The following MAGEA11 variants were observed in gnomAD, a reference collection of about 807,000 sequenced individuals.
The protein encoded by MAGEA11 is melanoma-associated antigen 11.
A neutral mutation model predicts 8.4 loss-of-function variants in MAGEA11; 1 was observed. The ratio of observed to expected loss-of-function variants is 0.12; its 90% CI spans 0.04 to 0.57. The LOEUF (loss-of-function observed/expected upper bound fraction) is 0.57, where lower values mean the gene tolerates loss of function less well. Ranked by LOEUF, MAGEA11 falls within the 20% of genes least tolerant of loss-of-function variation. MAGEA11 has a pLI of 0.91. For synonymous variants in MAGEA11, 127 were observed against 119.3 expected (o/e 1.06, Z -0.42); for missense variants, 209 against 317.3 (o/e 0.66, Z 2.59).
At chrX:149,697,620 A>G (rs1016529489) in intron 1 of MAGEA11, among the ~76,000 whole-genome samples, 3 of 110,153 alleles carry the variant, frequency 2.7e-5, no homozygotes, top group African/African-American at 9.9e-5. Context: ...AGGGGTGGGA[A>G]GGCTAGGAAT....
chrX:149,694,263 A>G (rs1557360369), intron 1 of MAGEA11, among the ~76,000 whole-genome samples: 1 of 112,315 alleles, frequency 8.9e-6, no homozygotes, highest in East Asian at 2.8e-4. Context: ...ATTCTAGTGT[A>G]TGTAAAGTGG....
At chrX:149,690,798 G>T (rs1423417699) in intron 1 of MAGEA11, among the ~76,000 whole-genome samples, 1 of 111,209 alleles carries the variant, frequency 9.0e-6, no homozygotes, top group Non-Finnish European at 1.9e-5. Context: ...TCTGCCTGGA[G>T]GACTTACTTT....
intron 1 of MAGEA11, among the ~76,000 whole-genome samples, chrX:149,706,856 C>T (rs1285245549): frequency 2.7e-5 from 3 of 112,000 alleles, no homozygotes; most frequent in Non-Finnish European, 5.6e-5. Flanking sequence ...TTAGATTCCA[C>T]CTTGCAAGGA....
chrX:149,713,366 G>T (rs1169947638), intron 2 of MAGEA11, 111 bp downstream of exon 2: 11 of 493,795 alleles, frequency 2.2e-5, no homozygotes, highest in Non-Finnish European at 3.7e-5. Flanking sequence ...CTGAGGAGTG[G>T]AGCCTCAGGT....
chrX:149,710,140 C>T (rs186126465), upstream of MAGEA11, among the ~76,000 whole-genome samples: 163 of 111,681 alleles, frequency 1.5e-3, no homozygotes, highest in African/African-American at 4.9e-3. Context: ...AAAAGATTTG[C>T]AAAACAGACA....
At chrX:149,694,648 T>C (rs1009294067) in intron 1 of MAGEA11, among the ~76,000 whole-genome samples, 9 of 112,556 alleles carry the variant, frequency 8.0e-5, no homozygotes, top group Non-Finnish European at 1.7e-4. Context: ...CCTTCAACAG[T>C]ATCTGATGAT....
intron 1 of MAGEA11, among the ~76,000 whole-genome samples, chrX:149,701,745 A>G (rs1210919852): frequency 1.8e-5 from 2 of 110,882 alleles, no homozygotes; most frequent in Non-Finnish European, 3.8e-5. Context: ...ATTTTTGTAT[A>G]AGGTGTAAGG....
At chrX:149,713,281 G>A in intron 2 of MAGEA11, 26 bp downstream of exon 2, 2 of 1,026,647 alleles carry the variant, frequency 1.9e-6, no homozygotes, top group Non-Finnish European at 1.4e-6. Context: ...GGCCCTTGGA[G>A]TTCCAAGGCA....
intron 1 of MAGEA11, among the ~76,000 whole-genome samples, chrX:149,706,748 C>CTGTGGGCAAG (rs1430643866): frequency 1.8e-5 from 2 of 112,157 alleles, no homozygotes; most frequent in African/African-American, 6.5e-5. Context: ...ATACGGGAGA[C>CTGTGGGCAAG]TGTGGGCAAG....
upstream of MAGEA11, among the ~76,000 whole-genome samples, chrX:149,709,348 A>G (rs1364553371): frequency 4.5e-5 from 5 of 111,668 alleles, no homozygotes; most frequent in Non-Finnish European, 9.4e-5. Context: ...CAAACATTAC[A>G]AACTAAAACT....
At chrX:149,690,189 T>A (rs983279278) in intron 1 of MAGEA11, among the ~76,000 whole-genome samples, 2 of 112,894 alleles carry the variant, frequency 1.8e-5, no homozygotes, top group Non-Finnish European at 3.7e-5. Context: ...CTTTTACCTG[T>A]TGCCTCTGCT....
chrX:149,699,966 C>T (rs946946038), intron 1 of MAGEA11, among the ~76,000 whole-genome samples: 4 of 111,423 alleles, frequency 3.6e-5, no homozygotes, highest in East Asian at 2.8e-4. Context: ...GGAGGGTTTG[C>T]GCAAATGAGG....
At position 149,715,851 on chromosome X, in the gene MAGEA11, C is replaced by T. The variant is rs141055931; in HGVS notation, c.365C>T (p.Pro122Leu). The T allele has an allele frequency of 3.4e-5, 41 of 1,209,399 alleles. No individual in the cohort carries two copies. Among genetic ancestry groups the T allele is most frequent in the Non-Finnish European group, 4.4e-5 (39 of 894,983 alleles). Residue 122 changes from proline to leucine, a missense_variant, in exon 5 of 5, where the codon CCT (proline) becomes CTT (leucine). Pro to Leu is a moderately conservative substitution (Grantham distance 98, BLOSUM62 -3). This residue lies in a region of MAGEA11 where 131 missense variants were observed against 138.5 expected (regional missense o/e 0.95). Coordinates refer to ENST00000355220, the MANE Select transcript of MAGEA11 (RefSeq NM_005366.5). The part of the protein sequence containing the change: ...PLEQRSQHCK[P>L]EEGLQAQEED... ...GAGCAAAGAAGTCAGCACTGCAAGCCTGAGGAAGGCCTTCAGGCCCAAGAA... is the reference window on the plus strand; with the variant it reads ...GAGCAAAGAAGTCAGCACTGCAAGCTTGAGGAAGGCCTTCAGGCCCAAGAA...
At chrX:149,708,606 G>A (rs2090386878), upstream of MAGEA11, among the ~76,000 whole-genome samples, 2 of 111,374 alleles carry the variant, frequency 1.8e-5, no homozygotes, top group African/African-American at 3.3e-5. Flanking sequence ...ACAAAGGCGT[G>A]CAGTACCTCA....
intron 1 of MAGEA11, among the ~76,000 whole-genome samples, chrX:149,701,681 A>G (rs1284759110): frequency 1.8e-5 from 2 of 110,268 alleles, no homozygotes; most frequent in African/African-American, 6.6e-5. Flanking sequence ...GTTTTCTTCT[A>G]GGGTTTTTAT....
chrX:149,700,096 T>C (rs1251941601), intron 1 of MAGEA11, among the ~76,000 whole-genome samples: 1 of 112,620 alleles, frequency 8.9e-6, no homozygotes, highest in African/African-American at 3.2e-5. Flanking sequence ...CCCTGACATG[T>C]AGGGATTACA....
chrX:149,699,799 A>G, intron 1 of MAGEA11, among the ~76,000 whole-genome samples: 1 of 111,927 alleles, frequency 8.9e-6, no homozygotes, highest in Non-Finnish European at 1.9e-5. Flanking sequence ...ACTATAAAGA[A>G]TATTACCTGA....
chrX:149,688,977 T>C (rs782634882), exon 1 of MAGEA11: 1 of 1,027,358 alleles, frequency 9.7e-7, no homozygotes, highest in South Asian at 1.8e-5. Context: ...GGAATACCAA[T>C]GAGCAAGGTA....
At chrX:149,698,371 T>C (rs1557360734) in intron 1 of MAGEA11, among the ~76,000 whole-genome samples, 3 of 112,198 alleles carry the variant, frequency 2.7e-5, no homozygotes, top group Admixed American at 9.4e-5. Context: ...AATTTTTTAA[T>C]CATTTGAATA....
Sources: gnomAD v4.1 joint callset for allele counts (sites outside exome capture counted in the v4.1 genomes callset) on GRCh38, gnomAD v4.1.1 for gene constraint, gnomAD v4.1.1 regional missense constraint, MANE v1.5 for transcripts, NCBI Gene and HGNC (gene_info 2026-07-23, HGNC 2026-07-21) for gene names.